Variants in SHB observed in about 807,000 individuals in gnomAD.
SHB encodes the protein SH2 domain-containing adapter protein B.
Under a neutral mutation model 52.3 loss-of-function variants are expected in SHB, and 20 were observed. The observed-to-expected ratio is 0.38, with a 90% confidence interval of 0.27 to 0.56. The LOEUF (loss-of-function observed/expected upper bound fraction) is 0.56. Among genes scored for constraint, SHB ranks in the 20% least tolerant of loss-of-function variants. The pLI is 0.71. For synonymous variants in SHB, 397 were observed against 316.5 expected, an observed-to-expected ratio of 1.25 and a Z score of -2.70; for missense variants, 825 against 723.3, an observed-to-expected ratio of 1.14 and a Z score of -1.61.
chr9:37,922,025 G>A (rs1162184141), intron 5 of SHB, among the ~76,000 whole-genome samples: 2 of 152,258 alleles, frequency 1.3e-5, no homozygotes, highest in South Asian at 2.1e-4. Context: ...AGGGAGGAGG[G>A]TATGACCCTG....
At chr9:37,934,365 A>G (rs145171324) in intron 5 of SHB, among the ~76,000 whole-genome samples, 63 of 152,270 alleles carry the variant, frequency 4.1e-4, no homozygotes, top group Middle Eastern at 3.4e-3. Flanking sequence ...TGGCACATTC[A>G]TAACTCACTG....
chr9:37,974,939 G>A, intron 2 of SHB, 102 bp from the exon 3 acceptor site: 1 of 990,692 alleles, frequency 1.0e-6, no homozygotes, highest in Non-Finnish European at 1.6e-6. Flanking sequence ...CCAGCGGGGA[G>A]GTGAGAACGA....
intron 1 of SHB, among the ~76,000 whole-genome samples, chr9:38,037,939 CACTCTAACA>C (rs1313826812): frequency 6.6e-6 from 1 of 152,158 alleles, no homozygotes; most frequent in African/African-American, 2.4e-5. Flanking sequence ...CATTCTGTCA[CACTCTAACA>C]AGATTTTTTT....
In SHB at chr9:37,992,063, C is replaced by T. The variant is rs377145381; in HGVS notation, c.839-17226G>A. Among the ~76,000 whole-genome samples, 7 of 152,310 alleles carry T rather than the reference C, an allele frequency of 4.6e-5. No homozygotes were observed. In the East Asian group the frequency reaches 7.7e-4, roughly 17 times the overall value. The stretch of plus-strand genomic sequence containing the variant: ...AGTTCATTCTTCCACTCCTCCCCTC[C>T]GGAGCACCTGTGTTGCTGTTTTATG... On this transcript the variant is annotated intron_variant, in intron 2 of 5. Coordinates refer to ENST00000377707, the MANE Select transcript of SHB (RefSeq NM_003028.3).
At chr9:38,056,442 G>A (rs761136399) in intron 1 of SHB, among the ~76,000 whole-genome samples, 30 of 152,078 alleles carry the variant, frequency 2.0e-4, no homozygotes, top group Admixed American at 8.5e-4. Context: ...AGCAATTCTC[G>A]TGCCTCAGCC....
intron 2 of SHB, among the ~76,000 whole-genome samples, chr9:37,975,133 C>A (rs1482198473): frequency 1.3e-5 from 2 of 152,202 alleles, no homozygotes; most frequent in Non-Finnish European, 2.9e-5. Context: ...ACATGATGCT[C>A]CAGGTGTGTC....
rs572103218 is a variant in SHB at position 38,018,553 on chromosome 9, G to A, written c.718-2422C>T. 2.6e-5 allele frequency among the ~76,000 whole-genome samples: 4 copies of A among 151,448 alleles called. No homozygotes were observed. In the East Asian group the frequency reaches 7.7e-4, roughly 29 times the overall value. On this transcript the variant is annotated intron_variant, in intron 1 of 5. Transcript: ENST00000377707. ...ATTCTGTTAGTTTAAGAAGCAAATT[G>A]GAAAGTTCCTAAAATGTATATTTAA...
intron 3 of SHB, among the ~76,000 whole-genome samples, chr9:37,971,671 A>G (rs1436312727): frequency 1.3e-5 from 2 of 152,128 alleles, no homozygotes; most frequent in African/African-American, 4.8e-5. Flanking sequence ...TTCTCTGTCT[A>G]TCTTCTATCA....
intron 2 of SHB, among the ~76,000 whole-genome samples, chr9:37,999,383 G>T (rs1463459513): frequency 6.6e-6 from 1 of 152,202 alleles, no homozygotes; most frequent in East Asian, 1.9e-4. Context: ...GGGTGACCAG[G>T]AGCTCAAATG....
chr9:38,066,072 G>A (rs142819138), intron 1 of SHB, among the ~76,000 whole-genome samples: 14 of 152,272 alleles, frequency 9.2e-5, no homozygotes, highest in African/African-American at 3.4e-4. Context: ...CGCTGCAGAG[G>A]GTCCCTGCTC....
chr9:38,061,409 G>T (rs1821890651), intron 1 of SHB, among the ~76,000 whole-genome samples: 1 of 151,930 alleles, frequency 6.6e-6, no homozygotes, highest in Non-Finnish European at 1.5e-5. Context: ...CAGCCAGCCA[G>T]CATGCGAGCT....
chr9:38,066,433 C>G (rs1298831789), intron 1 of SHB, among the ~76,000 whole-genome samples: 1 of 152,188 alleles, frequency 6.6e-6, no homozygotes, highest in Admixed American at 6.5e-5. Context: ...CTGCACGGAG[C>G]CTATCTGGTG....
intron 2 of SHB, among the ~76,000 whole-genome samples, chr9:38,008,204 C>A (rs1307000272): frequency 6.6e-6 from 1 of 152,178 alleles, no homozygotes; most frequent in Non-Finnish European, 1.5e-5. Flanking sequence ...AAAACCTGAA[C>A]GTGCTCAGTG....
At chr9:37,934,181 C>T (rs1426859198) in intron 5 of SHB, among the ~76,000 whole-genome samples, 1 of 152,184 alleles carries the variant, frequency 6.6e-6, no homozygotes, top group Admixed American at 6.5e-5. Context: ...TCCTGAGTCC[C>T]CCCCTCTCCC....
chr9:38,005,465 G>A (rs1469493450), intron 2 of SHB, among the ~76,000 whole-genome samples: 2 of 152,154 alleles, frequency 1.3e-5, no homozygotes, highest in African/African-American at 2.4e-5. Context: ...CTACATTGCC[G>A]CCACCAAGGG....
chr9:37,955,122 A>G (rs1395681242), intron 4 of SHB, among the ~76,000 whole-genome samples: 1 of 152,244 alleles, frequency 6.6e-6, no homozygotes, highest in Non-Finnish European at 1.5e-5. Context: ...GCTAGAAAAT[A>G]AATCTAATTT....
At chr9:37,979,809 T>C (rs996653518) in intron 2 of SHB, among the ~76,000 whole-genome samples, 12 of 152,086 alleles carry the variant, frequency 7.9e-5, no homozygotes, top group Admixed American at 3.9e-4. Flanking sequence ...ATACAAAAAT[T>C]AGCCAGGCAT....
intron 1 of SHB, among the ~76,000 whole-genome samples, chr9:38,032,845 C>G (rs565423418): frequency 2.0e-4 from 31 of 152,204 alleles, no homozygotes; most frequent in Non-Finnish European, 4.4e-4. Context: ...CAACACCAAA[C>G]CTCTGCACAT....
At chr9:38,009,022 A>T (rs1049321985) in intron 2 of SHB, among the ~76,000 whole-genome samples, 2 of 152,220 alleles carry the variant, frequency 1.3e-5, no homozygotes, top group South Asian at 2.1e-4. Context: ...GCCTGGAACC[A>T]GGGGTCAGGG....
Sources: allele counts gnomAD v4.1 joint callset (sites outside exome capture counted in the v4.1 genomes callset), GRCh38; gene constraint gnomAD v4.1.1; transcripts MANE v1.5; gene names NCBI Gene and HGNC (gene_info 2026-07-23, HGNC 2026-07-21).